CARMIL1: variants seen among roughly 807,000 people sequenced by gnomAD.
The protein encoded by CARMIL1 is F-actin-uncapping protein LRRC16A.
Under a neutral mutation model 177.1 loss-of-function variants are expected in CARMIL1, and 90 were observed. That is an observed-to-expected ratio of 0.51 (90% CI 0.43 to 0.61). The LOEUF is 0.61. Ranked by LOEUF, CARMIL1 falls within the 20% of genes least tolerant of loss-of-function variation. The pLI is 0.00. For synonymous variants in CARMIL1, 577 were observed against 606.2 expected (o/e 0.95, Z 0.71); for missense variants, 1,380 against 1,667.0 (o/e 0.83, Z 3.00).
chr6:25,546,866 A>G (rs949798148), intron 26 of CARMIL1, among the ~76,000 whole-genome samples: 2 of 151,970 alleles, frequency 1.3e-5, no homozygotes, highest in Admixed American at 6.6e-5. Context: ...CCTGGCTAAC[A>G]TGGCAAAACC....
chr6:25,530,973 G>A (rs1807712398), intron 24 of CARMIL1, among the ~76,000 whole-genome samples: 1 of 152,172 alleles, frequency 6.6e-6, no homozygotes, highest in Non-Finnish European at 1.5e-5. Flanking sequence ...ATAACAGATT[G>A]TAAATGTTGA....
intron 29 of CARMIL1, chr6:25,576,894 C>A (rs1812638080): frequency 3.9e-6 from 2 of 512,936 alleles, no homozygotes; most frequent in Non-Finnish European, 5.0e-6. Flanking sequence ...AATGGTATCC[C>A]TCTCCCTCCC....
At chr6:25,369,470 T>C (rs1188875979) in intron 2 of CARMIL1, among the ~76,000 whole-genome samples, 1 of 151,940 alleles carries the variant, frequency 6.6e-6, no homozygotes, top group Non-Finnish European at 1.5e-5. Context: ...TCCACATTGC[T>C]TGGCTGCTAC....
At chr6:25,610,447 T>C (rs969031175) in intron 36 of CARMIL1, among the ~76,000 whole-genome samples, 1 of 152,204 alleles carries the variant, frequency 6.6e-6, no homozygotes. Context: ...TTCTAGATGC[T>C]TCTGAACTGA....
intron 17 of CARMIL1, among the ~76,000 whole-genome samples, chr6:25,506,632 C>T (rs1804945225): frequency 6.6e-6 from 1 of 152,128 alleles, no homozygotes. Flanking sequence ...TCAAATCCTG[C>T]TAGAAAGTAG....
Position 25,574,194 on chromosome 6 carries a change from G to T in CARMIL1, c.2743-6730G>T, listed in dbSNP as rs528968306. Among the ~76,000 whole-genome samples, 19 of 152,332 alleles carry T rather than the reference G, an allele frequency of 1.2e-4. No homozygotes were observed. In the South Asian group the frequency reaches 3.9e-3, roughly 32 times the overall value. On this transcript the variant is annotated intron_variant, in intron 29 of 36. Transcript: ENST00000329474. ...CTCCTATTAGAGTGTCTGCAGAATA[G>T]TAAGTCCAGATAATCGGTCAATACC...
At chr6:25,605,612 G>A (rs62393679) in intron 34 of CARMIL1, among the ~76,000 whole-genome samples, 3,241 of 152,230 alleles carry the variant, frequency 0.021, 62 homozygotes, top group South Asian at 0.097. Context: ...GATTGCAGCC[G>A]TCAGCATCAC....
chr6:25,305,679 G>T (rs1359723164), intron 2 of CARMIL1, among the ~76,000 whole-genome samples: 1 of 152,154 alleles, frequency 6.6e-6, no homozygotes, highest in Non-Finnish European at 1.5e-5. Context: ...TTCTTCTTCT[G>T]AAGTTTTTTG....
intron 2 of CARMIL1, among the ~76,000 whole-genome samples, chr6:25,379,493 A>G (rs139162166): frequency 6.2e-4 from 94 of 152,264 alleles, no homozygotes; most frequent in African/African-American, 2.2e-3. Context: ...TGGGTTTGGT[A>G]GGAAAAAACA....
intron 2 of CARMIL1, among the ~76,000 whole-genome samples, chr6:25,296,022 C>G (rs1229417256): frequency 6.6e-6 from 1 of 152,182 alleles, no homozygotes; most frequent in East Asian, 1.9e-4. Flanking sequence ...TAACAAGAAC[C>G]ATAAGCTAAT....
chr6:25,606,024 T>A (rs762954222), intron 34 of CARMIL1, 37 bp from the exon 35 acceptor site: 1 of 1,506,624 alleles, frequency 6.6e-7, no homozygotes, highest in Admixed American at 1.9e-5. Flanking sequence ...TTGGCTTCTT[T>A]GACCTTTGAT....
chr6:25,337,004 A>G (rs1038234471), intron 2 of CARMIL1, among the ~76,000 whole-genome samples: 2 of 152,226 alleles, frequency 1.3e-5, no homozygotes, highest in Non-Finnish European at 2.9e-5. Flanking sequence ...CAGCGTATCA[A>G]TTGAACATAA....
chr6:25,576,351 A>T (rs906786058), intron 29 of CARMIL1, among the ~76,000 whole-genome samples: 1 of 152,184 alleles, frequency 6.6e-6, no homozygotes, highest in African/African-American at 2.4e-5. Flanking sequence ...TCAATATTGA[A>T]TTACACTGTG....
intron 17 of CARMIL1, among the ~76,000 whole-genome samples, chr6:25,503,202 G>A (rs2151027718): frequency 6.6e-6 from 1 of 152,248 alleles, no homozygotes; most frequent in East Asian, 1.9e-4. Context: ...TGCATTATAT[G>A]ATAAATTGAT....
intron 2 of CARMIL1, among the ~76,000 whole-genome samples, chr6:25,344,297 C>T (rs1009125325): frequency 5.9e-5 from 9 of 152,122 alleles, no homozygotes; most frequent in African/African-American, 2.2e-4. Context: ...TTCACGGACC[C>T]ACACTCACCC....
At chr6:25,562,011 G>C (rs1390721644) in intron 29 of CARMIL1, among the ~76,000 whole-genome samples, 16 of 151,960 alleles carry the variant, frequency 1.1e-4, no homozygotes, top group Admixed American at 9.8e-4. Context: ...ATTTGTAATA[G>C]TATTTTTTTA....
intron 8 of CARMIL1, chr6:25,452,234 T>C (rs755658514): frequency 2.6e-6 from 2 of 763,858 alleles, no homozygotes; most frequent in Admixed American, 1.7e-5. Context: ...AATTTTTTTT[T>C]TTTCCTGCTT....
intron 26 of CARMIL1, among the ~76,000 whole-genome samples, chr6:25,542,213 C>T (rs1808986829): frequency 6.6e-6 from 1 of 152,188 alleles, no homozygotes; most frequent in South Asian, 2.1e-4. Context: ...AAACGACAAA[C>T]CACCACTTAT....
chr6:25,428,905 G>A (rs956855625), intron 4 of CARMIL1, among the ~76,000 whole-genome samples: 15 of 152,028 alleles, frequency 9.9e-5, no homozygotes, highest in African/African-American at 3.6e-4. Context: ...TTCTACTCAC[G>A]TATTAGTTCT....
Sources: allele counts gnomAD v4.1 joint callset (sites outside exome capture counted in the v4.1 genomes callset), GRCh38; gene constraint gnomAD v4.1.1; transcripts MANE v1.5; gene names NCBI Gene and HGNC (gene_info 2026-07-23, HGNC 2026-07-21).